Variants in PCDH9 observed in about 807,000 individuals in gnomAD.
PCDH9 encodes protocadherin 9.
A neutral mutation model predicts 70.6 loss-of-function variants in PCDH9; 24 were observed. The observed-to-expected ratio is 0.34, with a 90% confidence interval of 0.25 to 0.48. PCDH9 has a LOEUF of 0.48. Among genes scored for constraint, PCDH9 ranks in the 20% least tolerant of loss-of-function variants. PCDH9 has a pLI of 0.99. For missense variants in PCDH9, 1,281 were observed against 1,503.6 expected (o/e 0.85, Z 2.45); for synonymous variants, 562 against 558.5 (o/e 1.01, Z -0.09).
At chr13:66,604,726 G>C (rs1469495306) in intron 4 of PCDH9, among the ~76,000 whole-genome samples, 1 of 151,872 alleles carries the variant, frequency 6.6e-6, no homozygotes, top group Admixed American at 6.6e-5. Context: ...TACACAAATA[G>C]AACAAATCAT....
intron 2 of PCDH9, among the ~76,000 whole-genome samples, chr13:67,053,024 G>C (rs545221225): frequency 6.6e-6 from 1 of 152,220 alleles, no homozygotes; most frequent in East Asian, 1.9e-4. Context: ...CCTGAGACAG[G>C]GTGGAGAGGT....
chr13:67,022,106 C>CTTTTTTT lies in PCDH9; in HGVS notation c.3037-118508_3037-118502dup, dbSNP rs71110623. On this transcript the variant is annotated intron_variant, in intron 2 of 4. Transcript: ENST00000377865. ...GTCAAAGGGTGGACAAGGTGATGTTCTTTTTTTTTTTTTTTTTTTTTTTTT... is the reference window on the plus strand; with the variant it reads ...GTCAAAGGGTGGACAAGGTGATGTTCTTTTTTTTTTTTTTTTTTTTTTTTTTTTTTTT... Among the ~76,000 whole-genome samples the CTTTTTTT allele has an allele frequency of 1.4e-4, 5 of 35,370 alleles. 1 individual carries two copies. Among genetic ancestry groups the CTTTTTTT allele is most frequent in the African/African-American group, 6.4e-4 (5 of 7,762 alleles). 23.2% of individuals were successfully genotyped at this position (35,370 alleles called of 152,430 possible).
chr13:66,311,905 A>T (rs1276761978), intron 4 of PCDH9, among the ~76,000 whole-genome samples: 3 of 152,210 alleles, frequency 2.0e-5, no homozygotes, highest in Non-Finnish European at 2.9e-5. Context: ...GGACAGTCCA[A>T]ATCCAAAGGT....
chr13:66,488,373 G>A (rs1958979941), intron 4 of PCDH9, among the ~76,000 whole-genome samples: 1 of 152,140 alleles, frequency 6.6e-6, no homozygotes, highest in Non-Finnish European at 1.5e-5. Context: ...AGTTAATAAA[G>A]GGATGGTTCC....
chr13:66,376,097 C>T (rs1437726190), intron 4 of PCDH9, among the ~76,000 whole-genome samples: 2 of 152,042 alleles, frequency 1.3e-5, no homozygotes, highest in Admixed American at 6.6e-5. Flanking sequence ...GAGAAAATTC[C>T]GTGCCCCCAG....
chr13:66,712,854 G>A (rs1432196829), intron 3 of PCDH9, among the ~76,000 whole-genome samples: 1 of 152,092 alleles, frequency 6.6e-6, no homozygotes, highest in African/African-American at 2.4e-5. Context: ...TAGAGCAAAT[G>A]GCCAAATTCA....
intron 3 of PCDH9, among the ~76,000 whole-genome samples, chr13:66,648,012 G>A (rs562116888): frequency 6.6e-6 from 1 of 151,820 alleles, no homozygotes; most frequent in Non-Finnish European, 1.5e-5. Context: ...CTTGTCTTTT[G>A]GCTTGGGTGC....
At chr13:66,935,636 T>C (rs1191629589) in intron 2 of PCDH9, among the ~76,000 whole-genome samples, 1 of 152,080 alleles carries the variant, frequency 6.6e-6, no homozygotes, top group East Asian at 1.9e-4. Flanking sequence ...CATTTTTTTA[T>C]TACAAAATAG....
intron 4 of PCDH9, among the ~76,000 whole-genome samples, chr13:66,419,837 G>A (rs1194036146): frequency 6.6e-6 from 1 of 151,854 alleles, no homozygotes; most frequent in Non-Finnish European, 1.5e-5. Flanking sequence ...CTGGAAAGGG[G>A]GCTGAAGCCA....
intron 3 of PCDH9, among the ~76,000 whole-genome samples, chr13:66,827,360 C>CAA (rs71110608): frequency 0.42 from 49,543 of 118,780 alleles, 9,059 homozygotes; most frequent in East Asian, 0.64. Context: ...AGGAAAATGG[C>CAA]AAAAAAAAAA....
intron 4 of PCDH9, among the ~76,000 whole-genome samples, chr13:66,570,945 G>T (rs368686671): frequency 3.3e-5 from 5 of 151,940 alleles, no homozygotes; most frequent in South Asian, 2.1e-4. Flanking sequence ...ATAAAAGGGA[G>T]GAGGGAGGTG....
At chr13:67,164,342 C>G (rs149115753) in intron 2 of PCDH9, among the ~76,000 whole-genome samples, 33 of 151,996 alleles carry the variant, frequency 2.2e-4, no homozygotes, top group African/African-American at 7.7e-4. Context: ...TTTGGGAGGC[C>G]GAGATGGGTG....
At chr13:67,016,281 G>C (rs1390700310) in intron 2 of PCDH9, among the ~76,000 whole-genome samples, 1 of 152,094 alleles carries the variant, frequency 6.6e-6, no homozygotes, top group East Asian at 1.9e-4. Flanking sequence ...AAAGCCAGTG[G>C]GTGATACAGT....
At position 66,440,908 on chromosome 13, in the gene PCDH9, C is replaced by T. The variant is rs143612108; in HGVS notation, c.3341-135880G>A. ...GTCTTGTTTTCAAAATATGGCTTCA[C>T]GGAAACACACAGATTCTGCATTGCA... is the stretch of plus-strand genomic sequence containing the variant. On this transcript the variant is annotated intron_variant, in intron 4 of 4. Transcript: ENST00000377865. 2.8e-3 allele frequency among the ~76,000 whole-genome samples: 430 copies of T among 152,158 alleles called. 3 individuals carry two copies. The highest frequency in any genetic ancestry group is 9.9e-3 in the African/African-American group (410 of 41,514).
At chr13:66,471,117 T>G (rs1446427969) in intron 4 of PCDH9, among the ~76,000 whole-genome samples, 1 of 151,932 alleles carries the variant, frequency 6.6e-6, no homozygotes, top group Non-Finnish European at 1.5e-5. Flanking sequence ...CCTAGAGCTT[T>G]AAAAAAATTG....
intron 4 of PCDH9, among the ~76,000 whole-genome samples, chr13:66,568,700 G>A (rs990169787): frequency 1.3e-5 from 2 of 151,782 alleles, no homozygotes; most frequent in South Asian, 2.1e-4. Context: ...TGATTTGCAG[G>A]AGAGGGGATC....
intron 2 of PCDH9, among the ~76,000 whole-genome samples, chr13:66,948,887 G>C (rs1203914645): frequency 6.6e-6 from 1 of 151,978 alleles, no homozygotes; most frequent in Non-Finnish European, 1.5e-5. Context: ...GAGCCTTTGG[G>C]GAAATTATTC....
intron 3 of PCDH9, among the ~76,000 whole-genome samples, chr13:66,838,774 G>A (rs2081067045): frequency 6.6e-6 from 1 of 151,954 alleles, no homozygotes; most frequent in Non-Finnish European, 1.5e-5. Context: ...AAAACATGAT[G>A]TACTAGAATT....
intron 4 of PCDH9, among the ~76,000 whole-genome samples, chr13:66,627,874 T>C (rs1480292878): frequency 6.6e-6 from 1 of 152,234 alleles, no homozygotes; most frequent in African/African-American, 2.4e-5. Flanking sequence ...ACCTCTGCTA[T>C]CTTTTTCCAT....
Sources: allele counts gnomAD v4.1 joint callset (sites outside exome capture counted in the v4.1 genomes callset), GRCh38; gene constraint gnomAD v4.1.1; transcripts MANE v1.5; gene names NCBI Gene and HGNC (gene_info 2026-07-23, HGNC 2026-07-21).